Variants in TASP1 observed in about 807,000 individuals in gnomAD.
TASP1 encodes taspase 1.
TASP1 carries 16 observed loss-of-function variants against 56.6 expected under a neutral mutation model. The observed-to-expected ratio is 0.28, with a 90% confidence interval of 0.19 to 0.43. TASP1 has a LOEUF of 0.43. Among genes scored for constraint, TASP1 ranks in the 20% least tolerant of loss-of-function variants. TASP1 has a pLI of 1.00. For synonymous variants in TASP1, 179 were observed against 184.2 expected (o/e 0.97, Z 0.23); for missense variants, 393 against 511.6 (o/e 0.77, Z 2.24).
chr20:13,596,146 G>T (rs1382123008), intron 4 of TASP1, among the ~76,000 whole-genome samples: 1 of 152,152 alleles, frequency 6.6e-6, no homozygotes, highest in African/African-American at 2.4e-5. Context: ...GCCGAGGAGG[G>T]CAGATCACCT....
At chr20:13,460,502 T>C (rs990058753) in intron 11 of TASP1, among the ~76,000 whole-genome samples, 8 of 152,160 alleles carry the variant, frequency 5.3e-5, no homozygotes, top group Non-Finnish European at 1.0e-4. Context: ...TCAGGCCTTA[T>C]CCCTGAACTT....
chr20:13,385,258 C>G (rs1410492429), downstream of TASP1, among the ~76,000 whole-genome samples: 1 of 152,208 alleles, frequency 6.6e-6, no homozygotes, highest in Non-Finnish European at 1.5e-5. Flanking sequence ...TAACACCATT[C>G]CAGGTCATTT....
intron 8 of TASP1, among the ~76,000 whole-genome samples, chr20:13,542,158 T>C (rs562796536): frequency 3.8e-4 from 57 of 151,830 alleles, no homozygotes; most frequent in African/African-American, 1.4e-3. Flanking sequence ...AGCATAAGTA[T>C]ATGGAAAAGT....
At chr20:13,183,226 T>C in the TASP1 span, among the ~76,000 whole-genome samples, 1 of 152,230 alleles carries the variant, frequency 6.6e-6, no homozygotes, top group Non-Finnish European at 1.5e-5. Flanking sequence ...AGAAGTGGAC[T>C]GACTCATCTA....
chr20:13,268,475 C>T, the TASP1 span, among the ~76,000 whole-genome samples: 14 of 151,858 alleles, frequency 9.2e-5, no homozygotes, highest in African/African-American at 3.4e-4. Flanking sequence ...GTCAGGGCAA[C>T]TCCCTCTACC....
chr20:13,212,291 G>T, the TASP1 span, among the ~76,000 whole-genome samples: 1 of 152,020 alleles, frequency 6.6e-6, no homozygotes, highest in African/African-American at 2.4e-5. Flanking sequence ...TAGGAGCCTG[G>T]GTCCCCTCAT....
chr20:13,396,508 A>G (rs570999029), intron 13 of TASP1, among the ~76,000 whole-genome samples: 179 of 152,324 alleles, frequency 1.2e-3, no homozygotes, highest in Admixed American at 2.4e-3. Context: ...CGGAAAATGA[A>G]GACTGGGTTA....
At chr20:13,588,606 A>C (rs1003275613) in intron 4 of TASP1, among the ~76,000 whole-genome samples, 3 of 152,228 alleles carry the variant, frequency 2.0e-5, no homozygotes, top group Non-Finnish European at 4.4e-5. Flanking sequence ...CATTTTTAAA[A>C]GAAGTATAAG....
chr20:13,397,955 G>C (rs2041603148), intron 13 of TASP1, among the ~76,000 whole-genome samples: 1 of 152,104 alleles, frequency 6.6e-6, no homozygotes, highest in South Asian at 2.1e-4. Flanking sequence ...TCTTCATAGG[G>C]AACCTGGCCT....
At chr20:13,629,525 G>A (rs774307029) in intron 2 of TASP1, among the ~76,000 whole-genome samples, 1 of 151,716 alleles carries the variant, frequency 6.6e-6, no homozygotes. Context: ...AGGCTGGAGC[G>A]CAGTGGCATG....
At chr20:13,251,769 A>G in the TASP1 span, among the ~76,000 whole-genome samples, 1 of 152,190 alleles carries the variant, frequency 6.6e-6, no homozygotes, top group Non-Finnish European at 1.5e-5. Flanking sequence ...ATAGCATGCC[A>G]TGTTGGAGAA....
At chr20:13,498,755 A>G (rs1385921372) in intron 10 of TASP1, among the ~76,000 whole-genome samples, 1 of 151,580 alleles carries the variant, frequency 6.6e-6, no homozygotes, top group Non-Finnish European at 1.5e-5. Flanking sequence ...TCACAATGAG[A>G]TACCATCTCA....
intron 10 of TASP1, among the ~76,000 whole-genome samples, chr20:13,510,323 C>G (rs966002793): frequency 2.6e-5 from 4 of 152,220 alleles, no homozygotes; most frequent in East Asian, 1.9e-4. Context: ...AATTCAAACA[C>G]AACTAGGAAT....
chr20:13,348,391 G>T, the TASP1 span, among the ~76,000 whole-genome samples: 1 of 152,102 alleles, frequency 6.6e-6, no homozygotes, highest in Non-Finnish European at 1.5e-5. Flanking sequence ...TAATAAACCT[G>T]GTTCTTACCA....
At chr20:13,496,970 A>T (rs1484725115) in intron 10 of TASP1, among the ~76,000 whole-genome samples, 1 of 152,226 alleles carries the variant, frequency 6.6e-6, no homozygotes, top group Admixed American at 6.5e-5. Flanking sequence ...AATGCTGTAG[A>T]TGAGGACAAG....
chr20:13,299,150 G>A, the TASP1 span: 8 of 1,611,996 alleles, frequency 5.0e-6, no homozygotes, highest in East Asian at 1.8e-4. The surrounding 1 kb of genome is among the most constrained non-coding windows in gnomAD (Gnocchi z 5.8). Flanking sequence ...AGATCTACAA[G>A]CCCACTGCCC....
chr20:13,391,427 TAAG>T (rs530357753), intron 13 of TASP1, among the ~76,000 whole-genome samples: 10 of 152,312 alleles, frequency 6.6e-5, no homozygotes, highest in African/African-American at 2.2e-4. Flanking sequence ...CTGGAATTTC[TAAG>T]AAGAAAGAGG....
the TASP1 span, among the ~76,000 whole-genome samples, chr20:13,194,806 C>T: frequency 4.6e-5 from 7 of 152,102 alleles, no homozygotes; most frequent in African/African-American, 1.4e-4. Context: ...CCTAATTGAT[C>T]GATCACATGC....
chr20:13,501,464 T>C (rs2043944313), intron 10 of TASP1, among the ~76,000 whole-genome samples: 1 of 152,054 alleles, frequency 6.6e-6, no homozygotes, highest in Admixed American at 6.5e-5. Flanking sequence ...ACTTAACTTT[T>C]TAAGTTTCTT....
Sources: allele counts gnomAD v4.1 joint callset (sites outside exome capture counted in the v4.1 genomes callset), GRCh38; gene constraint gnomAD v4.1.1; non-coding constraint Gnocchi (gnomAD v3.1); transcripts MANE v1.5; gene names NCBI Gene and HGNC (gene_info 2026-07-23, HGNC 2026-07-21).